The following RAET1L variants were observed in gnomAD, a reference collection of about 807,000 sequenced individuals.
RAET1L encodes the protein UL16-binding protein 6.
A neutral mutation model predicts 23.9 loss-of-function variants in RAET1L; 16 were observed. That is an observed-to-expected ratio of 0.67 (90% CI 0.45 to 1.02). The LOEUF is 1.02. Among genes scored for constraint, RAET1L ranks in the 50% least tolerant of loss-of-function variants. The pLI is 0.00. For synonymous variants in RAET1L, 70 were observed against 111.2 expected, an observed-to-expected ratio of 0.63 and a Z score of 2.33; for missense variants, 233 against 304.0, an observed-to-expected ratio of 0.77 and a Z score of 1.74.
intron 4 of RAET1L, among the ~76,000 whole-genome samples, chr6:150,019,829 T>G (rs1779864318): frequency 8.0e-6 from 1 of 125,166 alleles, no homozygotes; most frequent in South Asian, 2.7e-4. Flanking sequence ...GGCCTGAACT[T>G]GCTAAACCTT....
intron 1 of RAET1L, among the ~76,000 whole-genome samples, chr6:150,023,815 T>TCCTGTA (rs1429971652): frequency 1.3e-5 from 2 of 152,188 alleles, no homozygotes; most frequent in African/African-American, 2.4e-5. Flanking sequence ...TGTAGAGTAC[T>TCCTGTA]GCACCTTGGC....
Position 150,021,089 on chromosome 6 carries a change from T to C in RAET1L, c.447A>G (p.Leu149=). The C allele has an allele frequency of 6.2e-7, 1 of 1,614,102 alleles. No homozygotes were observed. The highest frequency in any genetic ancestry group is 8.5e-7 in the Non-Finnish European group (1 of 1,180,020). ...ACATTCTCTTCTCTGAGTCAAAGAG[T>C]AGGAAGGTCTGTCCATCGATACTGA... ...WQFSIDGQTF[L]LFDSEKRMWT... is the part of the protein sequence containing the mutation. Residue 149 remains leucine (L), a synonymous_variant, in exon 3 of 5, where the codon CTA becomes CTG. Coordinates refer to ENST00000367341, the MANE Select transcript of RAET1L (RefSeq NM_130900.3).
intron 2 of RAET1L, 143 bp downstream of exon 2, chr6:150,021,837 C>T: frequency 2.4e-6 from 3 of 1,245,032 alleles, no homozygotes; most frequent in South Asian, 1.4e-5. Context: ...TGTGATCGGC[C>T]CACCTCTACC....
intron 1 of RAET1L, among the ~76,000 whole-genome samples, chr6:150,025,134 C>T (rs993317077): frequency 6.6e-6 from 1 of 152,114 alleles, no homozygotes; most frequent in African/African-American, 2.4e-5. Flanking sequence ...ACCTAGCCCT[C>T]GCAGCCCTCT....
rs1779883024 is a variant in RAET1L at position 150,021,182 on chromosome 6, G to C, written c.354C>G (p.Pro118=). Residue 118 remains proline, a synonymous_variant, in exon 3 of 5, where the codon CCC becomes CCG. Transcript: ENST00000367341. ...AAGACATCCTTGCCTGCAGGGTGAG[G>C]GGTTCTGCCCCCATCAGAGAGAGAT... ...IQLENYTPKE[P]LTLQARMSCE... The C allele has an allele frequency of 1.2e-6, 2 of 1,612,224 alleles. No homozygotes were observed. The highest frequency in any genetic ancestry group is 4.5e-5 in the East Asian group (2 of 44,830).
At chr6:150,019,925 G>A (rs1387924372) in intron 4 of RAET1L, among the ~76,000 whole-genome samples, 183 bp downstream of exon 4, 4 of 123,514 alleles carry the variant, frequency 3.2e-5, no homozygotes, top group African/African-American at 1.1e-4. Flanking sequence ...AGAACTCAGG[G>A]CTGAGCTGCC....
At chr6:150,021,372 TCAC>T (rs1196163493) in intron 2 of RAET1L, among the ~76,000 whole-genome samples, 186 bp from the exon 3 acceptor site, 1 of 145,498 alleles carries the variant, frequency 6.9e-6, no homozygotes, top group Non-Finnish European at 1.5e-5. Context: ...TCTCGCTCTG[TCAC>T]CCAGGCTGGA....
intron 1 of RAET1L, 81 bp downstream of exon 1, chr6:150,025,306 T>G: frequency 8.2e-7 from 1 of 1,223,600 alleles, no homozygotes; most frequent in Non-Finnish European, 1.2e-6. Flanking sequence ...TCCAGAAGCC[T>G]TCCCTCCTCT....
intron 1 of RAET1L, among the ~76,000 whole-genome samples, chr6:150,022,714 CA>C (rs199967575): frequency 0.012 from 1,460 of 122,950 alleles, 8 homozygotes; most frequent in African/African-American, 0.04. Flanking sequence ...ATCATGGTCA[CA>C]GGATGTAACA....
In RAET1L at chr6:150,018,810, T is replaced by C. The variant is rs1409475334; in HGVS notation, c.*68A>G. On this transcript the variant is annotated 3_prime_UTR_variant, in exon 5 of 5. Coordinates refer to ENST00000367341, the MANE Select transcript of RAET1L (RefSeq NM_130900.3). ...CAGCTGGCCAGACAGAAGGGCGAGG[T>C]TGATCAAGACCGTGCTCACAGGGGC... The C allele has an allele frequency of 3.2e-6, 1 of 311,902 alleles. No individual in the cohort carries two copies. The highest frequency in any genetic ancestry group is 4.1e-5 in the Admixed American group (1 of 24,372). 19.3% of individuals were successfully genotyped at this position (311,902 alleles called of 1,614,324 possible).
intron 4 of RAET1L, among the ~76,000 whole-genome samples, chr6:150,019,390 T>C (rs9478362): frequency 0.41 from 61,599 of 152,036 alleles, 12,757 homozygotes; most frequent in Non-Finnish European, 0.45. Flanking sequence ...GCTCAGATGC[T>C]CCTTCCTCTG....
chr6:150,020,338 A>T, intron 3 of RAET1L, 99 bp from the exon 4 acceptor site: 3 of 1,591,082 alleles, frequency 1.9e-6, no homozygotes, highest in Non-Finnish European at 2.6e-6. Flanking sequence ...TGGAAGGCAA[A>T]AGTTTTGTCC....
intron 3 of RAET1L, 23 bp from the exon 4 acceptor site, chr6:150,020,262 A>T: frequency 7.4e-7 from 1 of 1,359,568 alleles, no homozygotes; most frequent in Non-Finnish European, 1.0e-6. Context: ...CACAAAAGTG[A>T]CAACCCTTGT....
intron 1 of RAET1L, among the ~76,000 whole-genome samples, chr6:150,025,110 G>C (rs1775866870): frequency 6.6e-6 from 1 of 152,178 alleles, no homozygotes; most frequent in Non-Finnish European, 1.5e-5. Flanking sequence ...GGCTGCACTA[G>C]GAATCCGGGC....
At chr6:150,021,677 C>T (rs1346129141) in intron 2 of RAET1L, among the ~76,000 whole-genome samples, 13 of 141,144 alleles carry the variant, frequency 9.2e-5, no homozygotes, top group Non-Finnish European at 1.7e-4. Flanking sequence ...CTCACTGCAG[C>T]GTCTGCCTGC....
chr6:150,020,917 G>T lies in RAET1L; in HGVS notation c.619C>A (p.Pro207Thr), dbSNP rs147812292. The T allele has an allele frequency of 8.2e-4, 1,321 of 1,614,006 alleles. 3 individuals are homozygous for T. Among genetic ancestry groups the T allele is most frequent in the South Asian group, 1.3e-3 (122 of 91,072 alleles). Residue 207 changes from proline (P) to threonine (T), a missense_variant, in exon 3 of 5, where the codon CCA becomes ACA. Physicochemically the swap from Pro to Thr is conservative, Grantham distance 38. Coordinates refer to ENST00000367341, the MANE Select transcript of RAET1L (RefSeq NM_130900.3). Reference sequence around the variant, plus strand: ...TTTCTCCTGTTACCTCCTGCACTTGGCTCCAGGGTGCTGTCCATGCCCATC... The same window carrying T: ...TTTCTCCTGTTACCTCCTGCACTTGTCTCCAGGGTGCTGTCCATGCCCATC... ...FLMGMDSTLE[P>T]SAGAPLAMSS... is the part of the protein sequence containing the mutation.
chr6:150,024,637 C>T (rs1779925837), intron 1 of RAET1L, among the ~76,000 whole-genome samples: 1 of 152,082 alleles, frequency 6.6e-6, no homozygotes, highest in South Asian at 2.1e-4. Context: ...GGAAATGGTG[C>T]TTCCCATCCC....
intron 1 of RAET1L, among the ~76,000 whole-genome samples, chr6:150,023,924 C>A (rs1241472881): frequency 1.3e-5 from 2 of 152,192 alleles, no homozygotes; most frequent in Non-Finnish European, 2.9e-5. Flanking sequence ...GGCCTCAGAG[C>A]TGCCCATTAC....
rs1342516736 is a variant in RAET1L, at chr6:150,019,495, A to G, written c.*22+613T>C. Among the ~76,000 whole-genome samples, 7 of 152,154 alleles carry G rather than the reference A, an allele frequency of 4.6e-5. No individual in the cohort carries two copies. The South Asian group carries it at 1.0e-3, about 23-fold the overall frequency. ...GGGAGCTGCCTCAGGGCCCAGACTC[A>G]AACCCCACGGGTACATGGGACTGAC... On this transcript the variant is annotated intron_variant, in intron 4 of 4. Coordinates refer to ENST00000367341, the MANE Select transcript of RAET1L (RefSeq NM_130900.3).
Sources: gnomAD v4.1 joint callset for allele counts (sites outside exome capture counted in the v4.1 genomes callset) on GRCh38, gnomAD v4.1.1 for gene constraint, MANE v1.5 for transcripts, NCBI Gene and HGNC (gene_info 2026-07-23, HGNC 2026-07-21) for gene names.